The following SEMA3E variants were observed in gnomAD, a reference collection of about 807,000 sequenced individuals.
SEMA3E encodes semaphorin-3E.
Under a neutral mutation model 93.6 loss-of-function variants are expected in SEMA3E, and 49 were observed. The ratio of observed to expected loss-of-function variants is 0.52; its 90% CI spans 0.42 to 0.66. The LOEUF (loss-of-function observed/expected upper bound fraction) is 0.66. Among genes scored for constraint, SEMA3E ranks in the 30% least tolerant of loss-of-function variants. SEMA3E has a pLI of 0.00. For synonymous variants in SEMA3E, 363 were observed against 330.7 expected, an observed-to-expected ratio of 1.10 and a Z score of -1.06; for missense variants, 906 against 964.8, an observed-to-expected ratio of 0.94 and a Z score of 0.81.
At chr7:83,633,290 A>C (rs80161702) in intron 1 of SEMA3E, among the ~76,000 whole-genome samples, 2,638 of 152,164 alleles carry the variant, frequency 0.017, 36 homozygotes, top group South Asian at 0.031. Context: ...CTCTAAATAC[A>C]TTTAAAAGCT....
chr7:83,567,656 C>A (rs1792190784), intron 1 of SEMA3E, among the ~76,000 whole-genome samples: 2 of 152,020 alleles, frequency 1.3e-5, no homozygotes, highest in Non-Finnish European at 2.9e-5. Context: ...TCCTGAATGA[C>A]CATTGAGTCA....
In SEMA3E at chr7:83,542,208, C is replaced by T. The variant is rs1293583177; in HGVS notation, c.116-51934G>A. 5.3e-5 allele frequency among the ~76,000 whole-genome samples: 8 copies of T among 151,606 alleles called. No individual in the cohort carries two copies. The South Asian group carries it at 1.7e-3, about 32-fold the overall frequency. On this transcript the variant is annotated intron_variant, in intron 1 of 16. Transcript: ENST00000643230. ...AAAGTTAAAAAAAAAAAAAATTAGCCAGGCATGGTGGCACACTCCTGTACT... is the reference window on the plus strand; with the variant it reads ...AAAGTTAAAAAAAAAAAAAATTAGCTAGGCATGGTGGCACACTCCTGTACT...
In SEMA3E at chr7:83,400,114, G is replaced by GT; in HGVS notation, c.1279dup (p.Thr427AsnfsTer6). 6.2e-7 allele frequency: 1 copy of GT among 1,613,936 alleles called. No homozygotes were observed. The highest frequency in any genetic ancestry group is 8.5e-7 in the Non-Finnish European group (1 of 1,179,938). On this transcript the variant is annotated frameshift_variant, in exon 11 of 17. Transcript: ENST00000643230. LOFTEE classifies it high-confidence loss of function. ...TTGTTTCAGGTTATATTTTCCATCTGTTTTTACCAATATTGGTTTTTTATG... is the reference window on the plus strand; with the variant it reads ...TTGTTTCAGGTTATATTTTCCATCTGTTTTTTACCAATATTGGTTTTTTATG...
chr7:83,542,756 T>C (rs1791563499), intron 1 of SEMA3E, among the ~76,000 whole-genome samples: 1 of 152,180 alleles, frequency 6.6e-6, no homozygotes, highest in Non-Finnish European at 1.5e-5. Context: ...AAATGCCATC[T>C]CTTGCTAGAC....
chr7:83,597,905 G>A (rs968025253), intron 1 of SEMA3E, among the ~76,000 whole-genome samples: 3 of 151,898 alleles, frequency 2.0e-5, no homozygotes, highest in African/African-American at 7.3e-5. Flanking sequence ...TATATGTATA[G>A]GTATACAAGA....
chr7:83,396,798 A>T (rs1254963675), intron 11 of SEMA3E, 69 bp from the exon 12 acceptor site: 2 of 1,093,246 alleles, frequency 1.8e-6, no homozygotes, highest in Non-Finnish European at 2.7e-6. Context: ...AAAACCATGT[A>T]GCTGGCTGGG....
intron 2 of SEMA3E, among the ~76,000 whole-genome samples, chr7:83,479,914 AAC>A (rs2115936158): frequency 6.6e-6 from 1 of 152,336 alleles, no homozygotes; most frequent in African/African-American, 2.4e-5. Flanking sequence ...ACAATAAGGA[AAC>A]ACAAATACAT....
chr7:83,648,343 A>T, intron 1 of SEMA3E, 85 bp downstream of exon 1: 1 of 944,782 alleles, frequency 1.1e-6, no homozygotes, highest in South Asian at 1.5e-5. Flanking sequence ...CCATAAGCCT[A>T]TGTTAATGTT....
intron 1 of SEMA3E, among the ~76,000 whole-genome samples, chr7:83,605,837 TG>T (rs1793105651): frequency 1.3e-5 from 2 of 152,222 alleles, no homozygotes; most frequent in Non-Finnish European, 2.9e-5. Flanking sequence ...TTGTAGATTC[TG>T]GATATTAGAC....
At chr7:83,534,473 T>A (rs1410240413) in intron 1 of SEMA3E, among the ~76,000 whole-genome samples, 1 of 152,176 alleles carries the variant, frequency 6.6e-6, no homozygotes, top group Non-Finnish European at 1.5e-5. Flanking sequence ...TGTCTCTTAT[T>A]GTATCTTAGA....
chr7:83,601,781 G>T (rs1416098249), intron 1 of SEMA3E, among the ~76,000 whole-genome samples: 1 of 152,122 alleles, frequency 6.6e-6, no homozygotes, highest in Admixed American at 6.5e-5. Flanking sequence ...GTACTGTCAG[G>T]TCCTGATGCT....
rs1285361561 is a variant in SEMA3E, at chr7:83,408,989, C to G, written c.551-502G>C. 2.0e-5 allele frequency among the ~76,000 whole-genome samples: 3 copies of G among 152,050 alleles called. No individual in the cohort carries two copies. The South Asian group carries it at 6.2e-4, about 32-fold the overall frequency. ...CATGAATATGATTTTAGTGTGGGAA[C>G]AACAAAGTCTAACAAAGATGATATA... On this transcript the variant is annotated intron_variant, in intron 5 of 16. Transcript: ENST00000643230.
At chr7:83,592,190 A>C (rs1364259887) in intron 1 of SEMA3E, among the ~76,000 whole-genome samples, 1 of 152,130 alleles carries the variant, frequency 6.6e-6, no homozygotes, top group Non-Finnish European at 1.5e-5. Context: ...TGTTATTTAC[A>C]TATAAAATAA....
chr7:83,495,391 T>G (rs1225595712), intron 1 of SEMA3E, among the ~76,000 whole-genome samples: 1 of 151,892 alleles, frequency 6.6e-6, no homozygotes, highest in Non-Finnish European at 1.5e-5. Context: ...TATTTTATAA[T>G]GAGATTTTCA....
intron 1 of SEMA3E, among the ~76,000 whole-genome samples, chr7:83,530,740 T>A (rs1791274437): frequency 6.6e-6 from 1 of 151,888 alleles, no homozygotes; most frequent in African/African-American, 2.4e-5. Flanking sequence ...CAGTCAGGTG[T>A]GGTGGTGCAT....
At chr7:83,582,248 A>G (rs1295799862) in intron 1 of SEMA3E, among the ~76,000 whole-genome samples, 1 of 150,800 alleles carries the variant, frequency 6.6e-6, no homozygotes, top group Non-Finnish European at 1.5e-5. Context: ...AGTAATATAT[A>G]CATATAAATA....
intron 1 of SEMA3E, among the ~76,000 whole-genome samples, chr7:83,555,880 C>T (rs187133923): frequency 1.1e-4 from 17 of 152,168 alleles, no homozygotes; most frequent in Admixed American, 9.8e-4. Context: ...ATGTGGAGAC[C>T]TTACTAAGGA....
chr7:83,604,544 G>A (rs1793066608), intron 1 of SEMA3E, among the ~76,000 whole-genome samples: 1 of 145,128 alleles, frequency 6.9e-6, no homozygotes, highest in Admixed American at 6.9e-5. Context: ...ATATATATAT[G>A]TACATACACA....
At chr7:83,398,153 G>T (rs538516796) in intron 11 of SEMA3E, among the ~76,000 whole-genome samples, 79 of 150,920 alleles carry the variant, frequency 5.2e-4, no homozygotes, top group African/African-American at 2.0e-3. Context: ...TGACACCTTT[G>T]ACTTAAGCAT....
Sources: allele counts gnomAD v4.1 joint callset (sites outside exome capture counted in the v4.1 genomes callset), GRCh38; gene constraint gnomAD v4.1.1; transcripts MANE v1.5; gene names NCBI Gene and HGNC (gene_info 2026-07-23, HGNC 2026-07-21).